Variants in SYT3 observed in about 807,000 individuals in gnomAD.
SYT3 encodes the protein synaptotagmin-3.
In SYT3, 25 loss-of-function variants were observed where a neutral mutation model predicts 50.6. That is an observed-to-expected ratio of 0.49 (90% CI 0.36 to 0.69). The LOEUF (loss-of-function observed/expected upper bound fraction) is 0.69, where lower values mean the gene tolerates loss of function less well. Among genes scored for constraint, SYT3 ranks in the 30% least tolerant of loss-of-function variants. SYT3 has a pLI of 0.00. For synonymous variants in SYT3, 323 were observed against 353.9 expected, an observed-to-expected ratio of 0.91 and a Z score of 0.98; for missense variants, 589 against 793.6, an observed-to-expected ratio of 0.74 and a Z score of 3.10.
At chr19:50,649,543 G>T in the SYT3 span, 1 of 1,531,820 alleles carries the variant, frequency 6.5e-7, no homozygotes, top group Non-Finnish European at 8.7e-7. Context: ...GGAAGGGGTG[G>T]ACTTCCTCCA....
At chr19:50,633,622 TA>T (rs1240510217) in intron 3 of SYT3, among the ~76,000 whole-genome samples, 2 of 152,188 alleles carry the variant, frequency 1.3e-5, no homozygotes, top group Admixed American at 1.3e-4. Flanking sequence ...ATTTTCCAAG[TA>T]GGAAAAATCA....
At chr19:50,636,260 AAAAC>A (rs953390455) in intron 3 of SYT3, among the ~76,000 whole-genome samples, 5 of 147,956 alleles carry the variant, frequency 3.4e-5, no homozygotes, top group South Asian at 2.1e-4. Flanking sequence ...CTCCATCTCA[AAAAC>A]AAACAGACAG....
At chr19:50,649,449 A>G in the SYT3 span, 1 of 1,536,190 alleles carries the variant, frequency 6.5e-7, no homozygotes, top group Non-Finnish European at 8.7e-7. Context: ...CCCAGGATGC[A>G]GCCAGAGGTG....
intron 4 of SYT3, among the ~76,000 whole-genome samples, chr19:50,631,449 C>A (rs1051011439): frequency 6.6e-6 from 1 of 152,196 alleles, no homozygotes; most frequent in African/African-American, 2.4e-5. Flanking sequence ...CAGGCATGAG[C>A]CACTGCGCCC....
chr19:50,626,748 A>C (rs1220740844), intron 6 of SYT3, among the ~76,000 whole-genome samples: 4 of 151,184 alleles, frequency 2.6e-5, no homozygotes, highest in African/African-American at 4.9e-5. Flanking sequence ...AGAGACCCAG[A>C]GAGAGAAAGA....
chr19:50,654,865 T>C, the SYT3 span, among the ~76,000 whole-genome samples: 1 of 152,138 alleles, frequency 6.6e-6, no homozygotes, highest in African/African-American at 2.4e-5. Context: ...AGAACCAGAA[T>C]TGTATTTCTC....
the SYT3 span, chr19:50,658,085 G>T: frequency 3.3e-6 from 5 of 1,535,954 alleles, no homozygotes; most frequent in Non-Finnish European, 2.6e-6. Flanking sequence ...CATCCGCTTT[G>T]AGAACATGAA....
chr19:50,629,249 C>T (rs573609310), intron 6 of SYT3, 45 bp downstream of exon 6: 91 of 1,509,944 alleles, frequency 6.0e-5, no homozygotes, highest in Non-Finnish European at 7.7e-5. Context: ...CCCGGGGGGT[C>T]TCAGGGCCCT....
intron 6 of SYT3, among the ~76,000 whole-genome samples, chr19:50,626,376 T>G (rs1984062299): frequency 6.6e-6 from 1 of 151,470 alleles, no homozygotes; most frequent in Non-Finnish European, 1.5e-5. Context: ...CAGGCAAAGT[T>G]CTCAAGTCAG....
At chr19:50,651,295 A>G in the SYT3 span, among the ~76,000 whole-genome samples, 3 of 152,184 alleles carry the variant, frequency 2.0e-5, no homozygotes, top group Admixed American at 2.0e-4. Context: ...ACCTTGGCCC[A>G]TGCTAGGCCC....
chr19:50,640,073 T>C (rs1163480046), upstream of SYT3, among the ~76,000 whole-genome samples: 1 of 152,016 alleles, frequency 6.6e-6, no homozygotes, highest in Non-Finnish European at 1.5e-5. Context: ...TTCTCCAGGG[T>C]CCGGGGGCCC....
Position 50,625,368 on chromosome 19 carries a change from C to T in SYT3, c.1574+25G>A, listed in dbSNP as rs1046598416. The T allele has an allele frequency of 1.3e-6, 2 of 1,535,728 alleles. No homozygotes were observed. Among genetic ancestry groups the T allele is most frequent in the African/African-American group, 1.4e-5 (1 of 72,290 alleles). On this transcript the variant is annotated intron_variant, in intron 8 of 10. Transcript: ENST00000600079. This position sits in a 1 kb window ranked among gnomAD's most constrained non-coding sequence, Gnocchi z 7.5. ...TCCCCACCCCAGCCCTCCTGCCTGACCCCCGCCCGGGCCGCGCCCCTCACC... is the reference window on the plus strand; with the variant it reads ...TCCCCACCCCAGCCCTCCTGCCTGATCCCCGCCCGGGCCGCGCCCCTCACC...
chr19:50,625,362 G>A lies in SYT3; in HGVS notation c.1574+31C>T. 2.7e-5 allele frequency: 41 copies of A among 1,535,668 alleles called. No individual in the cohort carries two copies. Among genetic ancestry groups the A allele is most frequent in the Non-Finnish European group, 3.5e-5 (40 of 1,142,150 alleles). ...GGCCTGTCCCCACCCCAGCCCTCCT[G>A]CCTGACCCCCGCCCGGGCCGCGCCC... On this transcript the variant is annotated intron_variant, in intron 8 of 10. Transcript: ENST00000600079. The surrounding 1 kb of genome is among the most constrained non-coding windows in gnomAD (Gnocchi z 7.5).
the SYT3 span, among the ~76,000 whole-genome samples, chr19:50,650,346 G>A: frequency 1.3e-5 from 2 of 152,226 alleles, no homozygotes; most frequent in African/African-American, 4.8e-5. Flanking sequence ...TAGTATCTCA[G>A]TGAGGATGCA....
rs1481776855 is a variant in SYT3 at position 50,625,718 on chromosome 19, A to G, written c.1403-154T>C. ...CCTCAGGCCCAAGAGTCCAGACCCC[A>G]GGTCCTCCTCTCTCCGACCCAGGAG... On this transcript the variant is annotated intron_variant, in intron 7 of 10. Transcript: ENST00000600079. This position sits in a 1 kb window ranked among gnomAD's most constrained non-coding sequence, Gnocchi z 7.5. 6.7e-6 allele frequency among the ~76,000 whole-genome samples: 1 copy of G among 148,478 alleles called. No homozygotes were observed. Among genetic ancestry groups the G allele is most frequent in the African/African-American group, 2.5e-5 (1 of 40,010 alleles).
intron 6 of SYT3, 60 bp downstream of exon 6, chr19:50,629,234 T>G: frequency 2.1e-6 from 3 of 1,408,836 alleles, no homozygotes; most frequent in African/African-American, 2.9e-5. Context: ...GCAGGGGGCT[T>G]GCAACCCGGG....
At chr19:50,642,004 C>A (rs768484162), upstream of SYT3, among the ~76,000 whole-genome samples, 1 of 152,320 alleles carries the variant, frequency 6.6e-6, no homozygotes, top group Middle Eastern at 3.4e-3. Context: ...TTAGATTACA[C>A]CCTACCCCTA....
chr19:50,645,754 C>T, the SYT3 span, among the ~76,000 whole-genome samples: 1 of 152,004 alleles, frequency 6.6e-6, no homozygotes, highest in Non-Finnish European at 1.5e-5. Context: ...GGTGTGTGCG[C>T]CTGTAGTTCC....
Position 50,632,627 on chromosome 19 carries a change from G to T in SYT3, c.333C>A (p.Gly111=), listed in dbSNP as rs754922627. The T allele has an allele frequency of 6.3e-7, 1 of 1,579,656 alleles. No homozygotes were observed. Among genetic ancestry groups the T allele is most frequent in the East Asian group, 2.3e-5 (1 of 44,298 alleles). ...CAGCCGCCAGGTGGTGCCCGCCTCC[G>T]CCTACCAGGCCTGCCAGCCCGACAC... is the stretch of plus-strand genomic sequence containing the variant. ...GPGVGLAGLV[G]GGGHHLAAGL... Residue 111 remains glycine (G), a synonymous_variant, in exon 4 of 11, where the codon GGC becomes GGA. Transcript: ENST00000600079. This position sits in a 1 kb window ranked among gnomAD's most constrained non-coding sequence, Gnocchi z 4.7.
Sources: gnomAD v4.1 joint callset for allele counts (sites outside exome capture counted in the v4.1 genomes callset) on GRCh38, gnomAD v4.1.1 for gene constraint, Gnocchi (gnomAD v3.1) non-coding constraint, MANE v1.5 for transcripts, NCBI Gene and HGNC (gene_info 2026-07-23, HGNC 2026-07-21) for gene names.